The following ITPR1 variants were observed in gnomAD, a reference collection of about 807,000 sequenced individuals.
ITPR1 encodes the protein inositol 1,4,5-trisphosphate-gated calcium channel ITPR1.
ITPR1 carries 96 observed loss-of-function variants against 318.4 expected under a neutral mutation model. That is an observed-to-expected ratio of 0.30 (90% CI 0.26 to 0.36). The LOEUF is 0.36. Ranked by LOEUF, ITPR1 falls within the 10% of genes least tolerant of loss-of-function variation. ITPR1 has a pLI of 1.00. For missense variants in ITPR1, 2,440 were observed against 3,460.2 expected (o/e 0.71, Z 7.40); for synonymous variants, 1,312 against 1,289.9 (o/e 1.02, Z -0.37).
intron 60 of ITPR1, 75 bp downstream of exon 60, chr3:4,818,317 T>A: frequency 8.3e-7 from 1 of 1,202,096 alleles, no homozygotes; most frequent in East Asian, 2.4e-5. Flanking sequence ...CAGCAGCCCA[T>A]CGGGGAGCTG....
intron 53 of ITPR1, among the ~76,000 whole-genome samples, chr3:4,797,612 T>A (rs2047980255): frequency 6.6e-6 from 1 of 152,218 alleles, no homozygotes; most frequent in South Asian, 2.1e-4. Flanking sequence ...TCAGATTGCT[T>A]ACTGAATTTG....
At chr3:4,562,451 C>G (rs1413974380) in intron 4 of ITPR1, among the ~76,000 whole-genome samples, 1 of 151,840 alleles carries the variant, frequency 6.6e-6, no homozygotes, top group Non-Finnish European at 1.5e-5. Context: ...ATAGTATGTG[C>G]AAAAAGATAG....
intron 53 of ITPR1, among the ~76,000 whole-genome samples, chr3:4,796,025 G>A (rs1371098128): frequency 6.6e-6 from 1 of 152,146 alleles, no homozygotes; most frequent in Non-Finnish European, 1.5e-5. Context: ...ACCACCTTAT[G>A]TGACAGAGAA....
intron 39 of ITPR1, among the ~76,000 whole-genome samples, chr3:4,716,755 G>C (rs1284160400): frequency 6.6e-6 from 1 of 152,170 alleles, no homozygotes; most frequent in Non-Finnish European, 1.5e-5. Context: ...TTGTGCTTTT[G>C]TTTTTCTTGG....
chr3:4,725,573 G>A lies in ITPR1; in HGVS notation c.5164G>A (p.Ala1722Thr), dbSNP rs368985642. 3.2e-5 allele frequency: 51 copies of A among 1,598,796 alleles called. No individual in the cohort carries two copies. The highest frequency in any genetic ancestry group is 1.1e-4 in the South Asian group (10 of 91,048). Reference sequence around the variant, plus strand: ...TCCTCCAGCTCCGGATTCTGAGAACGCCACTGAGGTGTGTTGCCCGCCTAT... The same window carrying A: ...TCCTCCAGCTCCGGATTCTGAGAACACCACTGAGGTGTGTTGCCCGCCTAT... ...ELPPAPDSEN[A>T]TEELEPSPPL... The change falls in exon 41 of 62, where the codon GCC becomes ACC. Residue 1722 changes from alanine to threonine, a missense_variant. Physicochemically the swap from Ala to Thr is moderately conservative, Grantham distance 58. Transcript: ENST00000649015.
intron 19 of ITPR1, among the ~76,000 whole-genome samples, chr3:4,670,137 G>C (rs2094042165): frequency 1.3e-5 from 2 of 152,148 alleles, no homozygotes; most frequent in Admixed American, 1.3e-4. Flanking sequence ...GTGTTGGGAG[G>C]AGTTTTAAAT....
chr3:4,583,051 A>G (rs905488395), intron 4 of ITPR1, among the ~76,000 whole-genome samples: 1 of 152,210 alleles, frequency 6.6e-6, no homozygotes, highest in African/African-American at 2.4e-5. Context: ...TTTTCTCAGC[A>G]TGTACAAACT....
In ITPR1 at chr3:4,775,236, T is replaced by C; in HGVS notation, c.5980-6T>C. On this transcript the variant is annotated splice_polypyrimidine_tract_variant and splice_region_variant and intron_variant, in intron 46 of 61. Coordinates refer to ENST00000649015, the MANE Select transcript of ITPR1 (RefSeq NM_001378452.1). Reference sequence around the variant, plus strand: ...CTCACCGAACCTGGGGACTACCCAATTGCAGAACTTCCTCCGTTGCCAAAA... The same window carrying C: ...CTCACCGAACCTGGGGACTACCCAACTGCAGAACTTCCTCCGTTGCCAAAA... 7 of 1,611,728 alleles carry C rather than the reference T, an allele frequency of 4.3e-6. No homozygotes were observed. The highest frequency in any genetic ancestry group is 5.9e-6 in the Non-Finnish European group (7 of 1,177,808).
intron 23 of ITPR1, among the ~76,000 whole-genome samples, chr3:4,675,892 G>A (rs2094174758): frequency 1.3e-5 from 2 of 152,118 alleles, no homozygotes; most frequent in South Asian, 4.2e-4. Context: ...ATACCATTTA[G>A]TTCTTTTGTT....
intron 53 of ITPR1, among the ~76,000 whole-genome samples, chr3:4,797,558 A>G (rs1575287907): frequency 6.6e-6 from 1 of 152,130 alleles, no homozygotes; most frequent in African/African-American, 2.4e-5. Flanking sequence ...TTGTTTTAGA[A>G]CTGACAAGTT....
Position 4,663,096 on chromosome 3 carries a change from T to G in ITPR1, c.1444T>G (p.Tyr482Asp). 1.9e-6 allele frequency: 3 copies of G among 1,613,880 alleles called. No homozygotes were observed. Among genetic ancestry groups the G allele is most frequent in the African/African-American group, 1.3e-5 (1 of 75,040 alleles). ...AACCAAGCTGCTAGAAGATTTGGTT[T>G]ACTTCGTCACTGGTGGAACTAATTC... Reference protein sequence around the residue: ...SVTKLLEDLVYFVTGGTNSGQ... With the variant: ...SVTKLLEDLVDFVTGGTNSGQ... The change falls in exon 16 of 62, where the codon TAC (tyrosine) becomes GAC (aspartate). Residue 482 changes from tyrosine to aspartate, a missense_variant. By Grantham distance (160) the Tyr-to-Asp change is radical. This residue lies in a region of ITPR1 where 478 missense variants were observed against 696.3 expected (regional missense o/e 0.69). Transcript: ENST00000649015.
At chr3:4,734,934 C>T (rs988610494) in intron 43 of ITPR1, among the ~76,000 whole-genome samples, 8 of 152,254 alleles carry the variant, frequency 5.3e-5, no homozygotes, top group African/African-American at 1.7e-4. Context: ...TTCATCTTAC[C>T]TGTCTGAATT....
chr3:4,595,114 G>A (rs9856921), intron 4 of ITPR1, among the ~76,000 whole-genome samples: 121,119 of 152,188 alleles, frequency 0.8, 49,694 homozygotes, highest in Middle Eastern at 0.93. Flanking sequence ...GCTGAGTCAA[G>A]TATCATAATG....
chr3:4,578,556 C>T lies in ITPR1; in HGVS notation c.164-49207C>T, dbSNP rs149110937. Among the ~76,000 whole-genome samples the T allele has an allele frequency of 6.2e-3, 950 of 152,242 alleles. 4 individuals are homozygous for T. The highest frequency in any genetic ancestry group is 0.021 in the African/African-American group (880 of 41,538). ...GAATTGTGGAGCTCATAATGTCCCACAGCCAGAAGGGGCTTTAGTGCTTAG... is the reference window on the plus strand; with the variant it reads ...GAATTGTGGAGCTCATAATGTCCCATAGCCAGAAGGGGCTTTAGTGCTTAG... On this transcript the variant is annotated intron_variant, in intron 4 of 61. Transcript: ENST00000649015.
intron 4 of ITPR1, among the ~76,000 whole-genome samples, chr3:4,527,241 G>C (rs369874039): frequency 6.6e-6 from 1 of 152,144 alleles, no homozygotes; most frequent in East Asian, 1.9e-4. Context: ...CAATTGTGTG[G>C]TCATGGCTCA....
chr3:4,574,819 T>C (rs1225526399), intron 4 of ITPR1, among the ~76,000 whole-genome samples: 1 of 152,182 alleles, frequency 6.6e-6, no homozygotes, highest in East Asian at 1.9e-4. Flanking sequence ...CCTGGAGAAG[T>C]CTATTTCAGT....
intron 58 of ITPR1, 182 bp from the exon 59 acceptor site, chr3:4,814,871 A>C: frequency 1.6e-6 from 1 of 628,750 alleles, no homozygotes; most frequent in Non-Finnish European, 2.8e-6. Flanking sequence ...GTCACACCAC[A>C]CTTGGAGAAG....
chr3:4,692,797 A>G (rs2094500093), intron 32 of ITPR1, among the ~76,000 whole-genome samples: 1 of 152,176 alleles, frequency 6.6e-6, no homozygotes. Context: ...AGATGAAAGA[A>G]TTGTAAAGGG....
intron 10 of ITPR1, among the ~76,000 whole-genome samples, chr3:4,647,643 G>C (rs1462876067): frequency 6.6e-6 from 1 of 152,162 alleles, no homozygotes; most frequent in African/African-American, 2.4e-5. Context: ...GTTCTAGTAG[G>C]TACATAGTGA....
Sources: gnomAD v4.1 joint callset for allele counts (sites outside exome capture counted in the v4.1 genomes callset) on GRCh38, gnomAD v4.1.1 for gene constraint, gnomAD v4.1.1 regional missense constraint, MANE v1.5 for transcripts, NCBI Gene and HGNC (gene_info 2026-07-23, HGNC 2026-07-21) for gene names.